The following CTNND2 variants were observed in gnomAD, a reference collection of about 807,000 sequenced individuals.
The protein encoded by CTNND2 is catenin delta 2.
CTNND2 carries 22 observed loss-of-function variants against 144.4 expected under a neutral mutation model. The ratio of observed to expected loss-of-function variants is 0.15; its 90% confidence interval spans 0.11 to 0.22. The LOEUF is 0.22. Ranked by LOEUF, CTNND2 falls within the 10% of genes least tolerant of loss-of-function variation. The probability of loss-of-function intolerance (pLI) is 1.00; values close to 1 mark genes in which losing one functional copy is unlikely to be tolerated. For missense variants in CTNND2, 1,353 were observed against 1,618.8 expected (o/e 0.84, Z 2.82); for synonymous variants, 751 against 695.6 (o/e 1.08, Z -1.25).
intron 16 of CTNND2, among the ~76,000 whole-genome samples, chr5:11,033,279 G>C (rs1216987492): frequency 6.6e-6 from 1 of 152,180 alleles, no homozygotes; most frequent in East Asian, 1.9e-4. Flanking sequence ...AAGACATCCA[G>C]TCAGAAGTTC....
chr5:11,196,993 G>A (rs1736923454), intron 11 of CTNND2, among the ~76,000 whole-genome samples: 1 of 152,208 alleles, frequency 6.6e-6, no homozygotes, highest in South Asian at 2.1e-4. Context: ...GCTGAGTCCT[G>A]CAGGTTTCCA....
intron 9 of CTNND2, among the ~76,000 whole-genome samples, chr5:11,329,000 A>G (rs1006279753): frequency 6.6e-6 from 1 of 152,180 alleles, no homozygotes; most frequent in Non-Finnish European, 1.5e-5. Context: ...ATGTTTCCTG[A>G]GGCCTCTTTC....
chr5:11,419,373 T>G (rs1218925121), intron 3 of CTNND2, among the ~76,000 whole-genome samples: 1 of 152,186 alleles, frequency 6.6e-6, no homozygotes, highest in Non-Finnish European at 1.5e-5. Flanking sequence ...ATTGCAGCCT[T>G]TATAATATTC....
chr5:11,425,564 G>C (rs925070577), intron 3 of CTNND2, among the ~76,000 whole-genome samples: 2 of 152,104 alleles, frequency 1.3e-5, no homozygotes, highest in Non-Finnish European at 2.9e-5. Context: ...TGAAACAACC[G>C]CACTGCCAGT....
At chr5:11,130,266 C>A (rs563899553) in intron 12 of CTNND2, among the ~76,000 whole-genome samples, 96 of 152,172 alleles carry the variant, frequency 6.3e-4, no homozygotes, top group Middle Eastern at 6.8e-3. Flanking sequence ...CACACCCCCC[C>A]CATCCACCCA....
At chr5:11,668,643 A>G (rs1427978595) in intron 2 of CTNND2, among the ~76,000 whole-genome samples, 1 of 152,226 alleles carries the variant, frequency 6.6e-6, no homozygotes, top group South Asian at 2.1e-4. Context: ...AAAGTTGCAT[A>G]TCAGCTTAAG....
intron 3 of CTNND2, among the ~76,000 whole-genome samples, chr5:11,422,222 T>C (rs200480538): frequency 4.1e-4 from 63 of 151,926 alleles, no homozygotes; most frequent in African/African-American, 1.5e-3. Flanking sequence ...TACCTTTTTT[T>C]CCCCCACGCT....
At chr5:11,252,835 T>A (rs1039520278) in intron 9 of CTNND2, among the ~76,000 whole-genome samples, 8 of 152,200 alleles carry the variant, frequency 5.3e-5, no homozygotes, top group Admixed American at 1.3e-4. Flanking sequence ...CTCAGTAATT[T>A]CATGAGGATA....
intron 2 of CTNND2, among the ~76,000 whole-genome samples, chr5:11,588,104 G>A (rs914775917): frequency 3.9e-5 from 6 of 152,066 alleles, no homozygotes; most frequent in African/African-American, 1.4e-4. Flanking sequence ...TTCAAAACAT[G>A]TAATTATTGT....
chr5:11,633,207 G>A (rs544933626), intron 2 of CTNND2, among the ~76,000 whole-genome samples: 4 of 152,226 alleles, frequency 2.6e-5, no homozygotes, highest in Non-Finnish European at 5.9e-5. Flanking sequence ...GAGTTAACAC[G>A]TTGAAAGTGA....
At chr5:11,294,050 A>G (rs1184431310) in intron 9 of CTNND2, among the ~76,000 whole-genome samples, 1 of 151,548 alleles carries the variant, frequency 6.6e-6, no homozygotes, top group African/African-American at 2.4e-5. Context: ...GTAAGCCATG[A>G]TCTGCCCTTT....
chr5:11,616,034 A>T (rs1780562866), intron 2 of CTNND2, among the ~76,000 whole-genome samples: 1 of 152,128 alleles, frequency 6.6e-6, no homozygotes, highest in Non-Finnish European at 1.5e-5. Context: ...AAATGCTTCT[A>T]TTTCTGACTT....
chr5:11,186,501 G>GA (rs1735640905), intron 11 of CTNND2, among the ~76,000 whole-genome samples: 1 of 152,034 alleles, frequency 6.6e-6, no homozygotes, highest in Admixed American at 6.6e-5. Flanking sequence ...ATTCTAATTT[G>GA]AAAAAAGTGA....
chr5:11,370,515 C>A (rs1757373220), intron 7 of CTNND2, among the ~76,000 whole-genome samples: 1 of 152,126 alleles, frequency 6.6e-6, no homozygotes, highest in African/African-American at 2.4e-5. Context: ...TCAAACAATT[C>A]CACTTAATAC....
chr5:11,426,666 C>G (rs1353704415), intron 3 of CTNND2, among the ~76,000 whole-genome samples: 1 of 152,146 alleles, frequency 6.6e-6, no homozygotes, highest in Non-Finnish European at 1.5e-5. Context: ...ACTGAGTAAG[C>G]AGGCGTGCTG....
At chr5:11,825,596 A>C (rs754240344) in intron 1 of CTNND2, among the ~76,000 whole-genome samples, 46 of 152,230 alleles carry the variant, frequency 3.0e-4, no homozygotes, top group Non-Finnish European at 4.9e-4. Flanking sequence ...ACTATCAGAG[A>C]ACATTAAAGA....
chr5:11,381,861 G>T (rs1758517417), intron 7 of CTNND2, among the ~76,000 whole-genome samples: 2 of 152,308 alleles, frequency 1.3e-5, no homozygotes, highest in South Asian at 4.1e-4. Context: ...CAGCTGCTCA[G>T]GAGGCTAAGG....
chr5:11,230,224 G>C (rs1204934327), intron 10 of CTNND2, among the ~76,000 whole-genome samples: 6 of 115,870 alleles, frequency 5.2e-5, no homozygotes, highest in South Asian at 4.0e-4. Flanking sequence ...TGGTGGGGAG[G>C]GGGGAGGGGG....
chr5:11,772,389 A>T (rs896824980), intron 1 of CTNND2, among the ~76,000 whole-genome samples: 1 of 152,174 alleles, frequency 6.6e-6, no homozygotes, highest in Non-Finnish European at 1.5e-5. Context: ...TAATAAAAAC[A>T]ATAATATGAA....
Sources: gnomAD v4.1 joint callset for allele counts (sites outside exome capture counted in the v4.1 genomes callset) on GRCh38, gnomAD v4.1.1 for gene constraint, MANE v1.5 for transcripts, NCBI Gene and HGNC (gene_info 2026-07-23, HGNC 2026-07-21) for gene names.